Variants in MFAP2 observed in about 807,000 individuals in gnomAD.
The protein encoded by MFAP2 is microfibril associated protein 2.
MFAP2 carries 23 observed loss-of-function variants against 30.6 expected under a neutral mutation model. The ratio of observed to expected loss-of-function variants is 0.75; its 90% confidence interval spans 0.54 to 1.07. The LOEUF is 1.07. MFAP2 is among the 50% of genes least tolerant of loss of function. MFAP2 has a pLI of 0.00. For synonymous variants in MFAP2, 73 were observed against 85.7 expected (o/e 0.85, Z 0.82); for missense variants, 198 against 223.8 (o/e 0.88, Z 0.74).
Position 16,975,709 on chromosome 1 carries a change from G to C in MFAP2, c.308C>G (p.Pro103Arg), listed in dbSNP as rs532458357. ...GTGTATGGAGTAGAGGCGGGTGCAC[G>C]GGTACTGTTCCTCACGGCAGTCTGG... ...GPLDCREEQY[P>R]CTRLYSIHRP... Residue 103 changes from proline (P) to arginine (R), a missense_variant, in exon 7 of 9, where the codon CCG becomes CGG. Physicochemically the swap from Pro to Arg is moderately radical, Grantham distance 103 (BLOSUM62 -2). Coordinates refer to ENST00000375535, the MANE Select transcript of MFAP2 (RefSeq NM_002403.4). The surrounding 1 kb of genome is among the most constrained non-coding windows in gnomAD (Gnocchi z 5.0). 5 of 1,613,290 alleles carry C rather than the reference G, an allele frequency of 3.1e-6. No homozygotes were observed. In the East Asian group the frequency reaches 6.7e-5, roughly 22 times the overall value.
In MFAP2 at chr1:16,976,070, G is replaced by A. The variant is rs756171373; in HGVS notation, c.287-340C>T. 1.5e-5 allele frequency: 7 copies of A among 461,512 alleles called. No individual in the cohort carries two copies. The highest frequency in any genetic ancestry group is 4.1e-5 in the East Asian group (1 of 24,144). 28.6% of individuals were successfully genotyped at this position (461,512 alleles called of 1,614,324 possible). A position where few individuals can be genotyped will look rare whatever the true frequency, so the allele number is the denominator to read the frequency against. ...TAGGAGCGCTCACACCAACCCACAC[G>A]AGAGTGAGCACACGGATTCTCCTGC... On this transcript the variant is annotated intron_variant, in intron 6 of 8. Transcript: ENST00000375535. The surrounding 1 kb of genome is among the most constrained non-coding windows in gnomAD (Gnocchi z 5.5).
In MFAP2 at chr1:16,975,773, C is replaced by T. The variant is rs145470679; in HGVS notation, c.287-43G>A. ...CAGACTAGGAGCCCAGAGTGGGGGG[C>T]GGCCCCCAGCCTCACCCACCTGAGG... On this transcript the variant is annotated intron_variant, in intron 6 of 8. Coordinates refer to ENST00000375535, the MANE Select transcript of MFAP2 (RefSeq NM_002403.4). The surrounding 1 kb of genome is among the most constrained non-coding windows in gnomAD (Gnocchi z 5.0). The T allele has an allele frequency of 2.8e-4, 437 of 1,572,962 alleles. 2 individuals are homozygous for T. In the African/African-American group the frequency reaches 5.2e-3, roughly 19 times the overall value.
At chr1:16,978,438 G>A in intron 1 of MFAP2, 124 bp from the exon 2 acceptor site, 1 of 797,830 alleles carries the variant, frequency 1.3e-6, no homozygotes, top group Non-Finnish European at 2.0e-6. Context: ...GCATGGGAGG[G>A]CTGGAGTGGA....
In MFAP2 at chr1:16,975,225, C is replaced by G; in HGVS notation, c.448+44G>C. ...GTGGCTAGGTGGCCAGATAATGATG[C>G]GGGTGTGGGGACAGGGGAGGTCTTG... On this transcript the variant is annotated intron_variant, in intron 8 of 8. Coordinates refer to ENST00000375535, the MANE Select transcript of MFAP2 (RefSeq NM_002403.4). This position sits in a 1 kb window ranked among gnomAD's most constrained non-coding sequence, Gnocchi z 5.0. 6.4e-7 allele frequency: 1 copy of G among 1,559,942 alleles called. No individual in the cohort carries two copies. Among genetic ancestry groups the G allele is most frequent in the Non-Finnish European group, 8.8e-7 (1 of 1,135,312 alleles).
intron 2 of MFAP2, 37 bp downstream of exon 2, chr1:16,978,200 A>G (rs777684434): frequency 1.4e-5 from 21 of 1,552,996 alleles, no homozygotes; most frequent in Middle Eastern, 1.7e-4. Context: ...TCAGCCCCAC[A>G]TAAGAGGAGC....
rs1263808977 is a variant in MFAP2, at chr1:16,976,752, G to GACTGGA, written c.191_196dup (p.Phe64_Gln65dup). ...GACTTCCTGTTGGACTTGCTGCTGG[G>GACTGGA]ACTGGAACTGGAACTGTTCCTCGGA... On this transcript the variant is annotated inframe_insertion, in exon 5 of 9. Coordinates refer to ENST00000375535, the MANE Select transcript of MFAP2 (RefSeq NM_002403.4). The surrounding 1 kb of genome is among the most constrained non-coding windows in gnomAD (Gnocchi z 5.5). The GACTGGA allele has an allele frequency of 4.3e-6, 7 of 1,613,920 alleles. No homozygotes were observed. The highest frequency in any genetic ancestry group is 5.9e-6 in the Non-Finnish European group (7 of 1,179,878).
At position 16,975,673 on chromosome 1, in the gene MFAP2, T is replaced by C; in HGVS notation, c.344A>G (p.Lys115Arg). ...TRLYSIHRPC[K>R]QCLNEVCFYS... The stretch of plus-strand genomic sequence containing the variant: ...GAAGCAGACCTCGTTGAGACACTGT[T>C]TGCAAGGCCTGTGTATGGAGTAGAG... Residue 115 changes from lysine to arginine, a missense_variant, in exon 7 of 9, where the codon AAA (lysine) becomes AGA (arginine). By Grantham distance (26) the Lys-to-Arg change is conservative. Coordinates refer to ENST00000375535, the MANE Select transcript of MFAP2 (RefSeq NM_002403.4). This position sits in a 1 kb window ranked among gnomAD's most constrained non-coding sequence, Gnocchi z 5.0. 1 of 1,614,042 alleles carries C rather than the reference T, an allele frequency of 6.2e-7. No homozygotes were observed. Among genetic ancestry groups the C allele is most frequent in the Non-Finnish European group, 8.5e-7 (1 of 1,179,976 alleles).
At chr1:16,981,274 C>A (rs1376513698), upstream of MFAP2, among the ~76,000 whole-genome samples, 1 of 152,174 alleles carries the variant, frequency 6.6e-6, no homozygotes, top group Non-Finnish European at 1.5e-5. Context: ...TGAGTCCCTG[C>A]CCCCGGCCAT....
At chr1:16,978,681 C>T (rs941136014) in intron 1 of MFAP2, among the ~76,000 whole-genome samples, 1 of 152,222 alleles carries the variant, frequency 6.6e-6, no homozygotes, top group African/African-American at 2.4e-5. Flanking sequence ...GGCCCAGTGG[C>T]TCCCTGGGTG....
In MFAP2 at chr1:16,975,679, G is replaced by A; in HGVS notation, c.338C>T (p.Pro113Leu). The change falls in exon 7 of 9, where the codon CCT (proline) becomes CTT (leucine). Residue 113 changes from proline (P) to leucine (L), a missense_variant. Pro to Leu is a moderately conservative substitution (Grantham distance 98, BLOSUM62 -3). Coordinates refer to ENST00000375535, the MANE Select transcript of MFAP2 (RefSeq NM_002403.4). The surrounding 1 kb of genome is among the most constrained non-coding windows in gnomAD (Gnocchi z 5.0). Reference sequence around the variant, plus strand: ...GACCTCGTTGAGACACTGTTTGCAAGGCCTGTGTATGGAGTAGAGGCGGGT... The same window carrying A: ...GACCTCGTTGAGACACTGTTTGCAAAGCCTGTGTATGGAGTAGAGGCGGGT... The part of the protein sequence containing the change: ...PCTRLYSIHR[P>L]CKQCLNEVCF... 10 of 1,614,018 alleles carry A rather than the reference G, an allele frequency of 6.2e-6. No individual in the cohort carries two copies. The highest frequency in any genetic ancestry group is 7.6e-6 in the Non-Finnish European group (9 of 1,179,970).
rs2076589964 is a variant in MFAP2, at chr1:16,976,190, T to A, written c.286+311A>T. On this transcript the variant is annotated intron_variant, in intron 6 of 8. Transcript: ENST00000375535. The surrounding 1 kb of genome is among the most constrained non-coding windows in gnomAD (Gnocchi z 5.5). The stretch of plus-strand genomic sequence containing the variant: ...TCCCTGGCCCTTCCTCGCCTCCACA[T>A]GTGCACCACTCAGTCTCTCTGGCTG... 1 of 550,578 alleles carries A rather than the reference T, an allele frequency of 1.8e-6. No individual in the cohort carries two copies. Among genetic ancestry groups the A allele is most frequent in the Non-Finnish European group, 3.3e-6 (1 of 306,090 alleles). The allele number at this position is 550,578 out of a possible 1,614,324, so 34.1% of individuals were successfully genotyped here. A position where few individuals can be genotyped will look rare whatever the true frequency, so the allele number is the denominator to read the frequency against.
At position 16,975,431 on chromosome 1, in the gene MFAP2, ACAGAACCTGGCACGGGAGC is replaced by A; in HGVS notation, c.375-108_375-90del. On this transcript the variant is annotated intron_variant, in intron 7 of 8. Transcript: ENST00000375535. This position sits in a 1 kb window ranked among gnomAD's most constrained non-coding sequence, Gnocchi z 5.0. ...GACAGAACCTGGCACGGGAGCCCGG[ACAGAACCTGGCACGGGAGC>A]CCGGACAGAACCTGGCACTGGAGCC... is the stretch of plus-strand genomic sequence containing the variant. 1 of 1,416,998 alleles carries A rather than the reference ACAGAACCTGGCACGGGAGC, an allele frequency of 7.1e-7. No individual in the cohort carries two copies. Among genetic ancestry groups the A allele is most frequent in the South Asian group, 1.2e-5 (1 of 81,694 alleles). 87.8% of individuals were successfully genotyped at this position (1,416,998 alleles called of 1,614,324 possible).
Position 16,975,675 on chromosome 1 carries a change from G to C in MFAP2, c.342C>G (p.Cys114Trp). ...AGCAGACCTCGTTGAGACACTGTTT[G>C]CAAGGCCTGTGTATGGAGTAGAGGC... ...CTRLYSIHRP[C>W]KQCLNEVCFY... Residue 114 changes from cysteine to tryptophan, a missense_variant, in exon 7 of 9, where the codon TGC becomes TGG. Coordinates refer to ENST00000375535, the MANE Select transcript of MFAP2 (RefSeq NM_002403.4). This position sits in a 1 kb window ranked among gnomAD's most constrained non-coding sequence, Gnocchi z 5.0. The C allele has an allele frequency of 6.2e-7, 1 of 1,614,048 alleles. No homozygotes were observed. Among genetic ancestry groups the C allele is most frequent in the South Asian group, 1.1e-5 (1 of 91,064 alleles).
At chr1:16,979,909 C>T (rs1281229413) in intron 1 of MFAP2, among the ~76,000 whole-genome samples, 1 of 152,180 alleles carries the variant, frequency 6.6e-6, no homozygotes, top group Non-Finnish European at 1.5e-5. Context: ...CATCTCCGAG[C>T]TCTTCTAGAC....
intron 2 of MFAP2, chr1:16,977,979 C>T: frequency 2.2e-6 from 1 of 449,748 alleles, no homozygotes; most frequent in South Asian, 2.7e-5. Flanking sequence ...CCACGGAGTC[C>T]TTGTGCCTGG....
rs558810761 is a variant in MFAP2, at chr1:16,975,900, A to G, written c.287-170T>C. On this transcript the variant is annotated intron_variant, in intron 6 of 8. Coordinates refer to ENST00000375535, the MANE Select transcript of MFAP2 (RefSeq NM_002403.4). This position sits in a 1 kb window ranked among gnomAD's most constrained non-coding sequence, Gnocchi z 5.0. ...CCCACGCAGCATTGTCAGACTTCCC[A>G]GGGCTGTAATATTCACGTATCAATT... 1.6e-4 allele frequency among the ~76,000 whole-genome samples: 24 copies of G among 152,214 alleles called. No individual in the cohort carries two copies. The South Asian group carries it at 4.8e-3, about 30-fold the overall frequency.
At chr1:16,978,430 A>G (rs2076611322) in intron 1 of MFAP2, 116 bp from the exon 2 acceptor site, 2 of 844,604 alleles carry the variant, frequency 2.4e-6, no homozygotes, top group South Asian at 1.7e-5. Flanking sequence ...GAAGCCAGGC[A>G]TGGGAGGGCT....
chr1:16,975,255 G>A lies in MFAP2; in HGVS notation c.448+14C>T, dbSNP rs1244117235. On this transcript the variant is annotated intron_variant, in intron 8 of 8. Coordinates refer to ENST00000375535, the MANE Select transcript of MFAP2 (RefSeq NM_002403.4). This position sits in a 1 kb window ranked among gnomAD's most constrained non-coding sequence, Gnocchi z 5.0. ...GTGGGGACAGGGGAGGTCTTGGGGAGGTGGCCTTCCTACCTCGGAGGAGCT... is the reference window on the plus strand; with the variant it reads ...GTGGGGACAGGGGAGGTCTTGGGGAAGTGGCCTTCCTACCTCGGAGGAGCT... The A allele has an allele frequency of 1.9e-6, 3 of 1,611,284 alleles. No individual in the cohort carries two copies. Among genetic ancestry groups the A allele is most frequent in the African/African-American group, 1.3e-5 (1 of 74,866 alleles).
chr1:16,980,595 G>T lies in MFAP2; in HGVS notation c.-50C>A, dbSNP rs2076630697. 1 of 151,772 alleles carries T rather than the reference G, an allele frequency of 6.6e-6. No individual in the cohort carries two copies. Among genetic ancestry groups the T allele is most frequent in the South Asian group, 2.1e-4 (1 of 4,818 alleles). 9.4% of individuals were successfully genotyped at this position (151,772 alleles called of 1,614,324 possible). ...GCCAGGCCCGCGCCTACCTGTCCGG[G>T]TCACTCCGCCGCCCGCTCCGAGTCC... is the stretch of plus-strand genomic sequence containing the variant. On this transcript the variant is annotated 5_prime_UTR_variant, in exon 1 of 9. Coordinates refer to ENST00000375535, the MANE Select transcript of MFAP2 (RefSeq NM_002403.4).
Sources: allele counts gnomAD v4.1 joint callset (sites outside exome capture counted in the v4.1 genomes callset), GRCh38; gene constraint gnomAD v4.1.1; non-coding constraint Gnocchi (gnomAD v3.1); transcripts MANE v1.5; gene names NCBI Gene and HGNC (gene_info 2026-07-23, HGNC 2026-07-21).